The following PTPRN2 variants were observed in gnomAD, a reference collection of about 807,000 sequenced individuals.
PTPRN2 encodes protein tyrosine phosphatase receptor type N2, also known as receptor-type tyrosine-protein phosphatase N2.
PTPRN2 carries 74 observed loss-of-function variants against 118.8 expected under a neutral mutation model. The observed-to-expected ratio is 0.62, with a 90% CI of 0.52 to 0.76. The LOEUF is 0.76. PTPRN2 is among the 30% of genes least tolerant of loss of function. The probability of loss-of-function intolerance (pLI) is 0.00; values close to 1 mark genes in which losing one functional copy is unlikely to be tolerated. For synonymous variants in PTPRN2, 641 were observed against 608.0 expected, an observed-to-expected ratio of 1.05 and a Z score of -0.80; for missense variants, 1,481 against 1,394.4, an observed-to-expected ratio of 1.06 and a Z score of -0.99.
At chr7:158,159,271 C>T (rs1018007598) in intron 6 of PTPRN2, among the ~76,000 whole-genome samples, 7 of 152,242 alleles carry the variant, frequency 4.6e-5, no homozygotes, top group African/African-American at 1.7e-4. Context: ...AGTTGCACGG[C>T]CGGCAGCAGA....
intron 2 of PTPRN2, among the ~76,000 whole-genome samples, chr7:158,433,609 C>A (rs1236587699): frequency 6.6e-6 from 1 of 152,176 alleles, no homozygotes; most frequent in Non-Finnish European, 1.5e-5. Context: ...TCTTGATCAG[C>A]CTTGCCAGAA....
At chr7:157,975,924 A>G (rs1802711159) in intron 11 of PTPRN2, among the ~76,000 whole-genome samples, 2 of 152,158 alleles carry the variant, frequency 1.3e-5, no homozygotes, top group Non-Finnish European at 2.9e-5. Flanking sequence ...AACTAGAGAT[A>G]GGCTTTGGAC....
chr7:158,104,347 C>T (rs964617948), intron 10 of PTPRN2, among the ~76,000 whole-genome samples: 5 of 152,114 alleles, frequency 3.3e-5, no homozygotes, highest in Non-Finnish European at 7.4e-5. Context: ...CTGGAAGACA[C>T]ATAAGAATCA....
chr7:157,775,654 C>T (rs1412883493), intron 12 of PTPRN2, among the ~76,000 whole-genome samples: 1 of 152,168 alleles, frequency 6.6e-6, no homozygotes, highest in East Asian at 1.9e-4. Flanking sequence ...CTGAGGCGGG[C>T]GCAGCCTCGG....
At chr7:158,161,672 T>G (rs1822368625) in intron 6 of PTPRN2, among the ~76,000 whole-genome samples, 1 of 152,176 alleles carries the variant, frequency 6.6e-6, no homozygotes, top group South Asian at 2.1e-4. Context: ...TTGGGTTTGG[T>G]GATGACTTTT....
intron 3 of PTPRN2, among the ~76,000 whole-genome samples, chr7:158,279,781 C>T (rs1461986487): frequency 3.3e-5 from 5 of 152,328 alleles, no homozygotes; most frequent in East Asian, 1.9e-4. Flanking sequence ...GAGGGGCCCC[C>T]ACAGTGCAGC....
intron 6 of PTPRN2, among the ~76,000 whole-genome samples, chr7:158,163,047 C>G (rs201627205): frequency 0.13 from 20,441 of 152,110 alleles, 1,678 homozygotes; most frequent in African/African-American, 0.24. Context: ...CTAGCTAGGG[C>G]CTCACATCTT....
At chr7:158,395,752 T>G (rs191064573) in intron 2 of PTPRN2, among the ~76,000 whole-genome samples, 3 of 9,024 alleles carry the variant, frequency 3.3e-4, no homozygotes, top group African/African-American at 7.2e-4. Context: ...GGGCGAGGGG[T>G]GAGGCGCGAG....
At chr7:158,062,953 T>C (rs1810468966) in intron 11 of PTPRN2, among the ~76,000 whole-genome samples, 2 of 152,188 alleles carry the variant, frequency 1.3e-5, no homozygotes, top group African/African-American at 2.4e-5. Context: ...CTGAGGAGTG[T>C]GGGCTCACGG....
intron 13 of PTPRN2, among the ~76,000 whole-genome samples, chr7:157,661,412 C>A (rs974438314): frequency 2.0e-5 from 3 of 152,260 alleles, no homozygotes; most frequent in Non-Finnish European, 4.4e-5. Context: ...AGGCAACGCG[C>A]GGCCGGGGAC....
At position 158,110,377 on chromosome 7, in the gene PTPRN2, T is replaced by C. The variant is rs191674019; in HGVS notation, c.1643+452A>G. Among the ~76,000 whole-genome samples, 14 of 152,338 alleles carry C rather than the reference T, an allele frequency of 9.2e-5. 1 individual carries two copies. Among genetic ancestry groups the C allele is most frequent in the African/African-American group, 2.6e-4 (11 of 41,578 alleles). ...CCAGGTCACGCTGAGACCATGGCCA[T>C]GCCTGCCATGGAAGCTGCAGAGACT... On this transcript the variant is annotated intron_variant, in intron 10 of 22. Transcript: ENST00000389418.
At chr7:157,871,730 CATACACATAT>C (rs906678731) in intron 12 of PTPRN2, among the ~76,000 whole-genome samples, 2 of 151,568 alleles carry the variant, frequency 1.3e-5, no homozygotes, top group Non-Finnish European at 2.9e-5. Flanking sequence ...TATACACATA[CATACACATAT>C]GCCTTCCCAC....
chr7:158,391,295 T>G (rs1318756177), intron 2 of PTPRN2, among the ~76,000 whole-genome samples: 3 of 152,150 alleles, frequency 2.0e-5, no homozygotes, highest in Non-Finnish European at 4.4e-5. Context: ...CCTCCAAGCC[T>G]GGAAGCCCAG....
At chr7:157,692,646 C>T (rs1056285396) in intron 12 of PTPRN2, among the ~76,000 whole-genome samples, 5 of 152,214 alleles carry the variant, frequency 3.3e-5, no homozygotes, top group Non-Finnish European at 7.3e-5. Context: ...GGCCTCGCAT[C>T]GGGCCATGGT....
At chr7:157,726,740 T>C (rs1301188402) in intron 12 of PTPRN2, among the ~76,000 whole-genome samples, 1 of 152,216 alleles carries the variant, frequency 6.6e-6, no homozygotes, top group Non-Finnish European at 1.5e-5. Flanking sequence ...GGGAAAAGAT[T>C]TGCGAATCAA....
intron 16 of PTPRN2, among the ~76,000 whole-genome samples, chr7:157,600,879 C>A (rs1370207732): frequency 6.6e-6 from 1 of 152,142 alleles, no homozygotes; most frequent in Non-Finnish European, 1.5e-5. Flanking sequence ...GAACATCCAA[C>A]CTCTCTTCTT....
At position 157,801,473 on chromosome 7, in the gene PTPRN2, A is replaced by G. The variant is rs1278544631; in HGVS notation, c.1788+97200T>C. ...CCTCCCCGTGAGAGCAGCTGCATGG[A>G]TTTTTTTAATGTCAAATTCCATATG... On this transcript the variant is annotated intron_variant, in intron 12 of 22. Coordinates refer to ENST00000389418, the MANE Select transcript of PTPRN2 (RefSeq NM_002847.5). This position sits in a 1 kb window ranked among gnomAD's most constrained non-coding sequence, Gnocchi z 4.2. Among the ~76,000 whole-genome samples the G allele has an allele frequency of 6.6e-6, 1 of 152,032 alleles. No individual in the cohort carries two copies. The highest frequency in any genetic ancestry group is 2.4e-5 in the African/African-American group (1 of 41,382).
chr7:158,032,518 G>C (rs1377754045), intron 11 of PTPRN2, among the ~76,000 whole-genome samples: 1 of 152,178 alleles, frequency 6.6e-6, no homozygotes, highest in Non-Finnish European at 1.5e-5. Context: ...CAGATGCCAA[G>C]AGACCCAAGG....
chr7:158,100,009 G>A (rs745800789), intron 10 of PTPRN2, among the ~76,000 whole-genome samples: 3 of 151,636 alleles, frequency 2.0e-5, no homozygotes, highest in Non-Finnish European at 4.4e-5. Context: ...TAATGGTGAT[G>A]TGTGAGATTT....
Sources: allele counts gnomAD v4.1 joint callset (sites outside exome capture counted in the v4.1 genomes callset), GRCh38; gene constraint gnomAD v4.1.1; non-coding constraint Gnocchi (gnomAD v3.1); transcripts MANE v1.5; gene names NCBI Gene and HGNC (gene_info 2026-07-23, HGNC 2026-07-21).